The following GALNT13 variants were observed in gnomAD, a reference collection of about 807,000 sequenced individuals.
The protein encoded by GALNT13 is UDP-GalNAc:polypeptide N-acetylgalactosaminyltransferase 13.
In GALNT13, 28 loss-of-function variants were observed where a neutral mutation model predicts 64.2. The ratio of observed to expected loss-of-function variants is 0.44; its 90% CI spans 0.32 to 0.60. The LOEUF (loss-of-function observed/expected upper bound fraction) is 0.60. Ranked by LOEUF, GALNT13 falls within the 20% of genes least tolerant of loss-of-function variation. The pLI, the probability that GALNT13 is intolerant of heterozygous loss-of-function variation, is 0.05. For missense variants in GALNT13, 577 were observed against 669.8 expected (o/e 0.86, Z 1.53); for synonymous variants, 214 against 224.6 (o/e 0.95, Z 0.42).
intron 3 of GALNT13, among the ~76,000 whole-genome samples, chr2:154,029,979 A>G (rs1558919375): frequency 1.3e-5 from 2 of 152,130 alleles, no homozygotes; most frequent in Non-Finnish European, 2.9e-5. Context: ...ATACTTGAAA[A>G]CGGGTAAATT....
chr2:154,426,555 A>G (rs943305441), intron 11 of GALNT13, among the ~76,000 whole-genome samples: 2 of 152,168 alleles, frequency 1.3e-5, no homozygotes, highest in African/African-American at 2.4e-5. Context: ...CGTGGGATAT[A>G]TTTTGGAAGG....
chr2:153,135,783 T>C, the GALNT13 span, among the ~76,000 whole-genome samples: 92 of 152,088 alleles, frequency 6.0e-4, no homozygotes, highest in South Asian at 1.7e-3. Context: ...TAGGGTATAT[T>C]TGGGGTAAGG....
chr2:154,410,022 A>T (rs955708874), intron 11 of GALNT13, among the ~76,000 whole-genome samples: 4 of 151,960 alleles, frequency 2.6e-5, no homozygotes, highest in African/African-American at 9.7e-5. Flanking sequence ...CTCCCTTAAA[A>T]ATTCTTAATT....
At chr2:154,181,214 T>A (rs2105730350) in intron 4 of GALNT13, among the ~76,000 whole-genome samples, 1 of 152,324 alleles carries the variant, frequency 6.6e-6, no homozygotes. Flanking sequence ...TTGTAAACCA[T>A]ATTGACAGTA....
At chr2:153,901,715 A>C (rs543854465) in intron 2 of GALNT13, among the ~76,000 whole-genome samples, 46 of 152,298 alleles carry the variant, frequency 3.0e-4, no homozygotes, top group Admixed American at 3.0e-3. Flanking sequence ...AATTTAAAAA[A>C]ATAAGAATTG....
chr2:153,723,223 T>G, the GALNT13 span, among the ~76,000 whole-genome samples: 2 of 144,786 alleles, frequency 1.4e-5, no homozygotes, highest in East Asian at 2.0e-4. Flanking sequence ...TCTCAATAGA[T>G]GCAGAAAAAG....
chr2:153,355,652 T>C, the GALNT13 span, among the ~76,000 whole-genome samples: 1 of 152,298 alleles, frequency 6.6e-6, no homozygotes, highest in East Asian at 1.9e-4. Flanking sequence ...GCCTTCTTAA[T>C]CAAACAGCAT....
intron 9 of GALNT13, among the ~76,000 whole-genome samples, chr2:154,356,599 T>G (rs1345008955): frequency 6.6e-6 from 1 of 152,024 alleles, no homozygotes; most frequent in African/African-American, 2.4e-5. Context: ...CTGGCACATC[T>G]TTTTGTAAAT....
At chr2:153,918,805 T>G (rs904327281) in intron 2 of GALNT13, among the ~76,000 whole-genome samples, 4 of 152,146 alleles carry the variant, frequency 2.6e-5, no homozygotes, top group African/African-American at 7.2e-5. Context: ...AATGCATTTG[T>G]GCATAAATCT....
At chr2:153,131,133 A>T in the GALNT13 span, among the ~76,000 whole-genome samples, 3 of 152,180 alleles carry the variant, frequency 2.0e-5, no homozygotes, top group African/African-American at 7.2e-5. Flanking sequence ...ATAAATATTA[A>T]TGATGTGAAA....
chr2:154,282,718 T>C (rs1692029879), intron 8 of GALNT13, among the ~76,000 whole-genome samples: 1 of 152,154 alleles, frequency 6.6e-6, no homozygotes, highest in Non-Finnish European at 1.5e-5. Context: ...AAAAAAACAT[T>C]AAATTATCAA....
At chr2:154,361,353 T>G (rs897796474) in intron 9 of GALNT13, among the ~76,000 whole-genome samples, 1 of 152,158 alleles carries the variant, frequency 6.6e-6, no homozygotes, top group Admixed American at 6.6e-5. Context: ...TGTTTAAGTA[T>G]GTAACATTGG....
chr2:154,039,411 A>C (rs1466095235), intron 3 of GALNT13, among the ~76,000 whole-genome samples: 1 of 140,792 alleles, frequency 7.1e-6, no homozygotes, highest in Admixed American at 7.1e-5. Flanking sequence ...ATGTATACAC[A>C]ATGGAATATT....
the GALNT13 span, among the ~76,000 whole-genome samples, chr2:153,553,121 C>T: frequency 2.0e-5 from 3 of 152,142 alleles, no homozygotes; most frequent in South Asian, 6.2e-4. Context: ...GAAAAATAAA[C>T]AGTGGTCACT....
intron 3 of GALNT13, among the ~76,000 whole-genome samples, chr2:154,051,724 T>G (rs1195965868): frequency 1.3e-5 from 2 of 152,204 alleles, no homozygotes; most frequent in African/African-American, 2.4e-5. Flanking sequence ...CTACTGTTAT[T>G]AAATGGAACA....
the GALNT13 span, among the ~76,000 whole-genome samples, chr2:153,719,764 A>G: frequency 0.019 from 2,803 of 151,510 alleles, 72 homozygotes; most frequent in East Asian, 0.13. Context: ...GGCTTAAAAA[A>G]CGGCGCACCA....
intron 9 of GALNT13, among the ~76,000 whole-genome samples, chr2:154,323,523 G>GT (rs1332055531): frequency 2.6e-5 from 4 of 152,046 alleles, no homozygotes; most frequent in African/African-American, 9.7e-5. Flanking sequence ...AATGTGTATT[G>GT]TTTGGGGTTG....
chr2:153,864,763 C>T, the GALNT13 span, among the ~76,000 whole-genome samples: 5 of 150,188 alleles, frequency 3.3e-5, no homozygotes, highest in African/African-American at 1.2e-4. Context: ...CAATGCCATC[C>T]CCATCAAGCT....
At chr2:153,635,445 C>CATATATATGTATATATATATATATACAT in the GALNT13 span, among the ~76,000 whole-genome samples, 1 of 132,428 alleles carries the variant, frequency 7.6e-6, no homozygotes, top group Non-Finnish European at 1.6e-5. Flanking sequence ...TATATACACA[C>CATATATATGTATATATATATATATACAT]ATATATATGT....
Sources: allele counts gnomAD v4.1 joint callset (sites outside exome capture counted in the v4.1 genomes callset), GRCh38; gene constraint gnomAD v4.1.1; transcripts MANE v1.5; gene names NCBI Gene and HGNC (gene_info 2026-07-23, HGNC 2026-07-21).